Variants in PTPRT observed in about 807,000 individuals in gnomAD.
PTPRT encodes protein tyrosine phosphatase receptor type T, also known as receptor-type tyrosine-protein phosphatase T.
A neutral mutation model predicts 176.8 loss-of-function variants in PTPRT; 56 were observed. That is an observed-to-expected ratio of 0.32 (90% CI 0.26 to 0.40). The LOEUF (loss-of-function observed/expected upper bound fraction) is 0.40. Among genes scored for constraint, PTPRT ranks in the 10% least tolerant of loss-of-function variants. PTPRT has a pLI of 1.00. For synonymous variants in PTPRT, 783 were observed against 739.0 expected (o/e 1.06, Z -0.96); for missense variants, 1,540 against 1,908.2 (o/e 0.81, Z 3.60).
At chr20:43,171,287 C>T (rs948853978) in intron 1 of PTPRT, among the ~76,000 whole-genome samples, 1 of 152,038 alleles carries the variant, frequency 6.6e-6, no homozygotes, top group Non-Finnish European at 1.5e-5. Context: ...CTGAAAGTAT[C>T]CTAGAAATCA....
intron 21 of PTPRT, among the ~76,000 whole-genome samples, chr20:42,115,770 C>T (rs1987242095): frequency 6.6e-6 from 1 of 151,422 alleles, no homozygotes; most frequent in Non-Finnish European, 1.5e-5. Flanking sequence ...ATCAGCTGAG[C>T]AAAGATGAGA....
At chr20:42,249,550 C>T (rs1600727552) in intron 13 of PTPRT, among the ~76,000 whole-genome samples, 1 of 152,186 alleles carries the variant, frequency 6.6e-6, no homozygotes, top group East Asian at 1.9e-4. Context: ...TCAGTCCTCA[C>T]AAACATTCCC....
intron 2 of PTPRT, among the ~76,000 whole-genome samples, chr20:42,857,841 T>A (rs958669476): frequency 6.6e-6 from 1 of 152,236 alleles, no homozygotes; most frequent in Non-Finnish European, 1.5e-5. Flanking sequence ...AACTCATATG[T>A]CTTCTCCTGC....
At chr20:42,126,977 T>C (rs1375656155) in intron 19 of PTPRT, among the ~76,000 whole-genome samples, 1 of 152,184 alleles carries the variant, frequency 6.6e-6, no homozygotes. Flanking sequence ...TTCTTGGCCA[T>C]GTAGTAGGCC....
chr20:42,690,110 A>G (rs2075767980), intron 6 of PTPRT, among the ~76,000 whole-genome samples: 1 of 152,128 alleles, frequency 6.6e-6, no homozygotes, highest in South Asian at 2.1e-4. Context: ...GTTATTCACA[A>G]AGACAAGACT....
chr20:42,633,497 T>C (rs1025596276), intron 7 of PTPRT, among the ~76,000 whole-genome samples: 2 of 151,348 alleles, frequency 1.3e-5, no homozygotes, highest in East Asian at 3.9e-4. Context: ...AAATGGTTAT[T>C]AGAATATGGT....
chr20:42,972,555 C>T (rs1291952897), intron 1 of PTPRT, among the ~76,000 whole-genome samples: 1 of 151,226 alleles, frequency 6.6e-6, no homozygotes, highest in Non-Finnish European at 1.5e-5. Context: ...CCCAGCTACT[C>T]AGGAGGCTGA....
At chr20:42,050,042 C>T in the PTPRT span, among the ~76,000 whole-genome samples, 4 of 152,224 alleles carry the variant, frequency 2.6e-5, no homozygotes, top group African/African-American at 4.8e-5. Flanking sequence ...TCCCAGGGCT[C>T]TTCCACAAAT....
chr20:42,375,323 G>A lies in PTPRT; in HGVS notation c.1561-23038C>T, dbSNP rs529385106. Among the ~76,000 whole-genome samples, 8 of 152,192 alleles carry A rather than the reference G, an allele frequency of 5.3e-5. No individual in the cohort carries two copies. In the East Asian group the frequency reaches 5.8e-4, roughly 11 times the overall value. Reference sequence around the variant, plus strand: ...TACTAGGAAAGACAAGGGGTGCCACGGTGTAAATTTGAACCCTACTGAATT... The same window carrying A: ...TACTAGGAAAGACAAGGGGTGCCACAGTGTAAATTTGAACCCTACTGAATT... On this transcript the variant is annotated intron_variant, in intron 9 of 30. Coordinates refer to ENST00000373187, the MANE Select transcript of PTPRT (RefSeq NM_007050.6).
At chr20:42,392,098 C>G (rs905953792) in intron 9 of PTPRT, among the ~76,000 whole-genome samples, 1 of 152,178 alleles carries the variant, frequency 6.6e-6, no homozygotes, top group Admixed American at 6.5e-5. Context: ...CAACTCCCTA[C>G]CTCACAGTTA....
chr20:43,080,743 G>A (rs1461091968), intron 1 of PTPRT, among the ~76,000 whole-genome samples: 1 of 152,212 alleles, frequency 6.6e-6, no homozygotes, highest in African/African-American at 2.4e-5. Context: ...TCACATGCAG[G>A]TCCAGAGCTC....
intron 7 of PTPRT, among the ~76,000 whole-genome samples, chr20:42,551,604 T>C (rs1434156362): frequency 3.3e-5 from 5 of 152,176 alleles, no homozygotes; most frequent in Non-Finnish European, 2.9e-5. Flanking sequence ...TGTTCGTGTC[T>C]ACATCTGTGA....
intron 12 of PTPRT, among the ~76,000 whole-genome samples, chr20:42,289,647 G>A (rs888928189): frequency 5.9e-5 from 9 of 152,098 alleles, no homozygotes; most frequent in Non-Finnish European, 1.2e-4. Flanking sequence ...CAAGGTTGCA[G>A]AGAAAGGGGA....
At chr20:42,711,002 C>A (rs1356823103) in intron 6 of PTPRT, among the ~76,000 whole-genome samples, 1 of 152,198 alleles carries the variant, frequency 6.6e-6, no homozygotes, top group Non-Finnish European at 1.5e-5. Context: ...TTGCATGGGG[C>A]CTGTTGCCCT....
chr20:43,182,482 C>A (rs1248061591), intron 1 of PTPRT, among the ~76,000 whole-genome samples: 2 of 151,984 alleles, frequency 1.3e-5, no homozygotes, highest in African/African-American at 4.8e-5. Context: ...CCTCCACCAC[C>A]TGGGTTCAAG....
At chr20:42,286,444 C>T (rs924747509) in intron 12 of PTPRT, among the ~76,000 whole-genome samples, 6 of 151,880 alleles carry the variant, frequency 4.0e-5, no homozygotes, top group African/African-American at 1.4e-4. Context: ...CTACAGTCAA[C>T]TGATTTTTGA....
At chr20:42,565,724 C>T (rs2073028286) in intron 7 of PTPRT, among the ~76,000 whole-genome samples, 1 of 152,058 alleles carries the variant, frequency 6.6e-6, no homozygotes, top group Admixed American at 6.6e-5. Context: ...GGTCTGAAGG[C>T]CTTTGGATCA....
At chr20:42,169,791 C>CACACACACACACACACACAA (rs752547377) in intron 16 of PTPRT, among the ~76,000 whole-genome samples, 7 of 98,306 alleles carry the variant, frequency 7.1e-5, no homozygotes, top group African/African-American at 2.3e-4. Context: ...CACACACACA[C>CACACACACACACACACACAA]AACAGTCAGT....
chr20:43,172,538 G>A (rs2015027789), intron 1 of PTPRT, among the ~76,000 whole-genome samples: 3 of 152,162 alleles, frequency 2.0e-5, no homozygotes, highest in South Asian at 4.1e-4. Flanking sequence ...CTGGGCAAAC[G>A]AGGACAATTG....
Sources: allele counts gnomAD v4.1 joint callset (sites outside exome capture counted in the v4.1 genomes callset), GRCh38; gene constraint gnomAD v4.1.1; transcripts MANE v1.5; gene names NCBI Gene and HGNC (gene_info 2026-07-23, HGNC 2026-07-21).